ZNF704: variants seen among roughly 807,000 people sequenced by gnomAD.
ZNF704 encodes glucocorticoid induced gene 1.
Under a neutral mutation model 44.7 loss-of-function variants are expected in ZNF704, and 10 were observed. The observed-to-expected ratio is 0.22, with a 90% confidence interval of 0.14 to 0.38. The LOEUF (loss-of-function observed/expected upper bound fraction) is 0.38. ZNF704 is among the 10% of genes least tolerant of loss of function. The pLI, the probability that ZNF704 is intolerant of heterozygous loss-of-function variation, is 1.00. For synonymous variants in ZNF704, 211 were observed against 207.6 expected, an observed-to-expected ratio of 1.02 and a Z score of -0.14; for missense variants, 390 against 545.5, an observed-to-expected ratio of 0.71 and a Z score of 2.84.
At chr8:80,778,478 C>T (rs1807452086) in intron 2 of ZNF704, among the ~76,000 whole-genome samples, 1 of 152,126 alleles carries the variant, frequency 6.6e-6, no homozygotes, top group African/African-American at 2.4e-5. Context: ...AACAGAATTA[C>T]CATTCAACCC....
At chr8:80,845,995 C>A (rs1331998266) in intron 1 of ZNF704, among the ~76,000 whole-genome samples, 4 of 152,128 alleles carry the variant, frequency 2.6e-5, no homozygotes, top group African/African-American at 7.2e-5. Flanking sequence ...TTTTTATACT[C>A]TTTAAAGAAT....
At chr8:80,668,755 C>T (rs528569327) in intron 5 of ZNF704, among the ~76,000 whole-genome samples, 6 of 152,256 alleles carry the variant, frequency 3.9e-5, no homozygotes, top group Admixed American at 1.3e-4. Flanking sequence ...GGCTTTGACA[C>T]GTTTCCCTCC....
chr8:80,665,121 T>C (rs1818170059), intron 5 of ZNF704, 39 bp from the exon 6 acceptor site: 1 of 1,600,306 alleles, frequency 6.2e-7, no homozygotes, highest in Non-Finnish European at 8.6e-7. Flanking sequence ...ACTAAGCCAA[T>C]CTGTTTTCTT....
chr8:80,783,763 T>A (rs1167846849), intron 2 of ZNF704, among the ~76,000 whole-genome samples: 1 of 152,132 alleles, frequency 6.6e-6, no homozygotes, highest in African/African-American at 2.4e-5. Flanking sequence ...GATCACAGTT[T>A]ACACTAGGGG....
chr8:80,860,752 T>C (rs1329648140), intron 1 of ZNF704, among the ~76,000 whole-genome samples: 2 of 152,202 alleles, frequency 1.3e-5, no homozygotes, highest in Non-Finnish European at 1.5e-5. Flanking sequence ...ACTGAATTCT[T>C]GGGGCAACTC....
intron 2 of ZNF704, among the ~76,000 whole-genome samples, chr8:80,784,086 C>G (rs1432314961): frequency 6.6e-6 from 1 of 152,084 alleles, no homozygotes; most frequent in African/African-American, 2.4e-5. Flanking sequence ...CTCCATATGT[C>G]TTTTTGTGGC....
intron 2 of ZNF704, among the ~76,000 whole-genome samples, chr8:80,736,935 G>GT (rs953605284): frequency 1.4e-3 from 197 of 141,212 alleles, no homozygotes; most frequent in African/African-American, 1.5e-3. Flanking sequence ...GGGCCCTGGT[G>GT]TTTTTTTTTT....
rs561422221 is a variant in ZNF704 at position 80,809,246 on chromosome 8, G to A, written c.221+12128C>T. Among the ~76,000 whole-genome samples the A allele has an allele frequency of 1.4e-3, 217 of 152,272 alleles. 1 individual carries two copies. Among genetic ancestry groups the A allele is most frequent in the African/African-American group, 4.5e-3 (185 of 41,548 alleles). ...GTGGAGGTTGAAGTAAGCTGAGATC[G>A]TGCCACTGCACTCCAGCCTGGGCAA... On this transcript the variant is annotated intron_variant, in intron 2 of 8. Transcript: ENST00000327835.
chr8:80,708,789 T>C (rs566130456), intron 2 of ZNF704, among the ~76,000 whole-genome samples: 2 of 152,324 alleles, frequency 1.3e-5, no homozygotes, highest in Admixed American at 1.3e-4. Flanking sequence ...TTTCGAATAC[T>C]AATAGGCCTC....
chr8:80,654,173 T>G (rs1428072726), intron 7 of ZNF704, among the ~76,000 whole-genome samples: 1 of 151,926 alleles, frequency 6.6e-6, no homozygotes, highest in East Asian at 1.9e-4. Flanking sequence ...TCCTTACACC[T>G]TATACAAAAA....
At chr8:80,868,158 C>A (rs1278817514) in intron 1 of ZNF704, among the ~76,000 whole-genome samples, 1 of 152,024 alleles carries the variant, frequency 6.6e-6, no homozygotes, top group East Asian at 1.9e-4. Flanking sequence ...GTGTTTGTTT[C>A]TTTTCTGGTT....
At chr8:80,801,046 A>G (rs1807890859) in intron 2 of ZNF704, among the ~76,000 whole-genome samples, 1 of 152,116 alleles carries the variant, frequency 6.6e-6, no homozygotes, top group Admixed American at 6.6e-5. Context: ...AAACCAACAA[A>G]GCTCAAAAAA....
At chr8:80,802,562 C>T (rs978722873) in intron 2 of ZNF704, among the ~76,000 whole-genome samples, 2 of 152,160 alleles carry the variant, frequency 1.3e-5, no homozygotes, top group Admixed American at 1.3e-4. Flanking sequence ...TGTGATTCAT[C>T]ACATAAACAA....
chr8:80,753,992 T>C (rs1212959853), intron 2 of ZNF704, among the ~76,000 whole-genome samples: 1 of 152,114 alleles, frequency 6.6e-6, no homozygotes, highest in African/African-American at 2.4e-5. Flanking sequence ...GAGACCTTAG[T>C]GTGTACACCC....
intron 1 of ZNF704, among the ~76,000 whole-genome samples, chr8:80,849,975 T>G (rs1411136410): frequency 6.6e-6 from 1 of 152,238 alleles, no homozygotes; most frequent in Non-Finnish European, 1.5e-5. Flanking sequence ...TCCATTAAAC[T>G]TGTTTTGTTA....
chr8:80,705,885 C>T (rs1449887089), intron 2 of ZNF704, among the ~76,000 whole-genome samples: 1 of 152,166 alleles, frequency 6.6e-6, no homozygotes, highest in Non-Finnish European at 1.5e-5. Context: ...TTGATTGTTG[C>T]AGGAAGCTGC....
intron 2 of ZNF704, among the ~76,000 whole-genome samples, chr8:80,732,348 T>G (rs1806595328): frequency 6.6e-6 from 1 of 152,238 alleles, no homozygotes; most frequent in African/African-American, 2.4e-5. Flanking sequence ...TCTGGTAGTC[T>G]TCTGTCATAG....
intron 2 of ZNF704, among the ~76,000 whole-genome samples, chr8:80,744,300 G>A (rs951856373): frequency 1.3e-5 from 2 of 151,848 alleles, no homozygotes; most frequent in Admixed American, 1.3e-4. Flanking sequence ...TATTTGGATG[G>A]CACTGTTCTA....
Position 80,632,367 on chromosome 8 carries a change from CTTTT to C in ZNF704, c.*8995_*8998del, listed in dbSNP as rs1435460937. 7.9e-5 allele frequency: 12 copies of C among 152,134 alleles called. No individual in the cohort carries two copies. Among genetic ancestry groups the C allele is most frequent in the African/African-American group, 1.7e-4 (7 of 41,446 alleles). 9.4% of individuals were successfully genotyped at this position (152,134 alleles called of 1,614,324 possible). Reference sequence around the variant, plus strand: ...TAAAGACAGGGTTTCCCTCTTTCTTCTTTTGTTTTCACTCTTTCTTCCTCTGTTG... The same window carrying C: ...TAAAGACAGGGTTTCCCTCTTTCTTCGTTTTCACTCTTTCTTCCTCTGTTG... On this transcript the variant is annotated 3_prime_UTR_variant, in exon 9 of 9. Transcript: ENST00000327835.
Sources: allele counts gnomAD v4.1 joint callset (sites outside exome capture counted in the v4.1 genomes callset), GRCh38; gene constraint gnomAD v4.1.1; transcripts MANE v1.5; gene names NCBI Gene and HGNC (gene_info 2026-07-23, HGNC 2026-07-21).